CDC73: variants seen among roughly 807,000 people sequenced by gnomAD.
The protein encoded by CDC73 is cell division cycle 73.
Under a neutral mutation model 83.7 loss-of-function variants are expected in CDC73, and 21 were observed. The ratio of observed to expected loss-of-function variants is 0.25; its 90% CI spans 0.18 to 0.36. The LOEUF (loss-of-function observed/expected upper bound fraction) is 0.36, where lower values mean the gene tolerates loss of function less well. CDC73 is among the 10% of genes least tolerant of loss of function. The probability of loss-of-function intolerance (pLI) is 1.00; values close to 1 mark genes in which losing one functional copy is unlikely to be tolerated. For missense variants in CDC73, 342 were observed against 653.3 expected (o/e 0.52, Z 5.19); for synonymous variants, 224 against 212.9 (o/e 1.05, Z -0.45).
intron 10 of CDC73, chr1:193,186,006 G>C (rs1474980005): frequency 6.6e-6 from 1 of 152,274 alleles, no homozygotes; most frequent in Non-Finnish European, 1.5e-5. Flanking sequence ...TCATACACAA[G>C]ATATTGACAT....
chr1:193,133,927 G>C (rs1184307985), intron 3 of CDC73, among the ~76,000 whole-genome samples: 1 of 149,552 alleles, frequency 6.7e-6, no homozygotes, highest in Non-Finnish European at 1.5e-5. Flanking sequence ...TTTTTAACCT[G>C]ATAGAAAAAA....
chr1:193,252,681 T>C lies in CDC73; in HGVS notation c.*1969T>C, dbSNP rs1488265476. ...TAAGCACCTCTTTTTCTTTTCCTCTTTGACAATTTAGTCTCTTATTTAGGT... is the reference window on the plus strand; with the variant it reads ...TAAGCACCTCTTTTTCTTTTCCTCTCTGACAATTTAGTCTCTTATTTAGGT... On this transcript the variant is annotated 3_prime_UTR_variant, in exon 17 of 17. Coordinates refer to ENST00000367435, the MANE Select transcript of CDC73 (RefSeq NM_024529.5). The C allele has an allele frequency of 4.3e-6, 1 of 231,402 alleles. No homozygotes were observed. Among genetic ancestry groups the C allele is most frequent in the African/African-American group, 2.2e-5 (1 of 45,274 alleles). 14.3% of individuals were successfully genotyped at this position (231,402 alleles called of 1,614,324 possible). A position where few individuals can be genotyped will look rare whatever the true frequency, so the allele number is the denominator to read the frequency against.
At chr1:193,193,050 T>G (rs576766474) in intron 10 of CDC73, among the ~76,000 whole-genome samples, 199 of 152,308 alleles carry the variant, frequency 1.3e-3, no homozygotes, top group African/African-American at 4.7e-3. Context: ...TCCTGTAATT[T>G]TATAATTTCT....
chr1:193,221,648 T>C (rs1572207997), intron 13 of CDC73, among the ~76,000 whole-genome samples: 4 of 152,366 alleles, frequency 2.6e-5, no homozygotes, highest in Admixed American at 2.6e-4. Context: ...CACTGTTTTA[T>C]AGCAGAAAAT....
chr1:193,193,782 T>A (rs1676957866), intron 10 of CDC73, among the ~76,000 whole-genome samples: 1 of 13,512 alleles, frequency 7.4e-5, no homozygotes, highest in African/African-American at 1.5e-4. Flanking sequence ...TTACTTGTAG[T>A]GTGTGTGTGT....
intron 11 of CDC73, among the ~76,000 whole-genome samples, chr1:193,211,702 G>C (rs973933499): frequency 1.3e-5 from 2 of 152,140 alleles, no homozygotes; most frequent in Non-Finnish European, 2.9e-5. Flanking sequence ...TCCTGGGTGG[G>C]GCAGTGTGAG....
chr1:193,185,125 A>G (rs1012583909), intron 10 of CDC73, among the ~76,000 whole-genome samples: 1 of 151,980 alleles, frequency 6.6e-6, no homozygotes, highest in East Asian at 1.9e-4. Flanking sequence ...TTTATATTTA[A>G]TTTTTTGACC....
intron 7 of CDC73, among the ~76,000 whole-genome samples, chr1:193,143,552 T>C (rs893597841): frequency 6.6e-6 from 1 of 152,170 alleles, no homozygotes; most frequent in Admixed American, 6.5e-5. Context: ...TACCACTATA[T>C]CTTTTAAAAA....
At chr1:193,236,428 T>C in intron 15 of CDC73, 72 bp downstream of exon 15, 1 of 968,564 alleles carries the variant, frequency 1.0e-6, no homozygotes, top group Non-Finnish European at 1.7e-6. Context: ...AACAGTCATA[T>C]AGTTCTGCGC....
intron 15 of CDC73, among the ~76,000 whole-genome samples, chr1:193,241,968 A>C (rs1296895839): frequency 1.3e-5 from 2 of 152,190 alleles, no homozygotes; most frequent in Non-Finnish European, 2.9e-5. Context: ...CATCTGGGGC[A>C]TGTGAGCTTC....
chr1:193,138,747 G>C (rs1180578314), intron 6 of CDC73, among the ~76,000 whole-genome samples: 1 of 148,766 alleles, frequency 6.7e-6, no homozygotes, highest in Admixed American at 6.7e-5. Flanking sequence ...AATTATTTTT[G>C]GATAGTTTCT....
intron 13 of CDC73, among the ~76,000 whole-genome samples, chr1:193,228,983 C>T (rs796381234): frequency 5.9e-5 from 9 of 152,008 alleles, no homozygotes; most frequent in African/African-American, 2.2e-4. Context: ...ACAAGGTATA[C>T]AAATGGCCAA....
chr1:193,164,775 T>C (rs1414191803), intron 10 of CDC73, among the ~76,000 whole-genome samples: 1 of 152,188 alleles, frequency 6.6e-6, no homozygotes, highest in East Asian at 1.9e-4. Flanking sequence ...ATGGATATGA[T>C]GTGTTATTTC....
chr1:193,174,900 T>TGA (rs1676576581), intron 10 of CDC73, among the ~76,000 whole-genome samples: 1 of 152,240 alleles, frequency 6.6e-6, no homozygotes, highest in Non-Finnish European at 1.5e-5. Context: ...TTCCTTTAAA[T>TGA]GAAATGAAAA....
chr1:193,135,711 G>GT, intron 5 of CDC73, 122 bp downstream of exon 5: 1 of 730,002 alleles, frequency 1.4e-6, no homozygotes, highest in Non-Finnish European at 2.3e-6. Context: ...AATTTTTGTG[G>GT]TAGAAAGAAC....
chr1:193,241,161 CT>C (rs1288802186), intron 15 of CDC73, among the ~76,000 whole-genome samples: 2 of 152,012 alleles, frequency 1.3e-5, no homozygotes, highest in Non-Finnish European at 1.5e-5. Context: ...TTTGAATTTG[CT>C]TTTTTAGGGG....
chr1:193,132,667 A>G lies in CDC73; in HGVS notation c.307+2424A>G, dbSNP rs140879637. Reference sequence around the variant, plus strand: ...TGATTCTTTGGAGCAGTGTTTCTCTAACTTTTTAAGTGATGAGAATCATAT... The same window carrying G: ...TGATTCTTTGGAGCAGTGTTTCTCTGACTTTTTAAGTGATGAGAATCATAT... On this transcript the variant is annotated intron_variant, in intron 3 of 16. Coordinates refer to ENST00000367435, the MANE Select transcript of CDC73 (RefSeq NM_024529.5). Among the ~76,000 whole-genome samples, 91 of 151,766 alleles carry G rather than the reference A, an allele frequency of 6.0e-4. 2 individuals carry two copies. In the South Asian group the frequency reaches 0.019, roughly 31 times the overall value.
chr1:193,181,583 G>A (rs747218269), intron 10 of CDC73: 16 of 1,537,300 alleles, frequency 1.0e-5, no homozygotes, highest in Non-Finnish European at 1.4e-5. Context: ...TCCAGTAGTG[G>A]TATATGAGAG....
intron 13 of CDC73, among the ~76,000 whole-genome samples, chr1:193,231,023 T>C (rs1018911435): frequency 2.6e-5 from 4 of 152,232 alleles, no homozygotes; most frequent in Non-Finnish European, 4.4e-5. Context: ...TTAATGTTTC[T>C]GAGCTTTTAT....
Sources: gnomAD v4.1 joint callset for allele counts (sites outside exome capture counted in the v4.1 genomes callset) on GRCh38, gnomAD v4.1.1 for gene constraint, MANE v1.5 for transcripts, NCBI Gene and HGNC (gene_info 2026-07-23, HGNC 2026-07-21) for gene names.